PTPRD: variants seen among roughly 807,000 people sequenced by gnomAD.
PTPRD encodes the protein protein tyrosine phosphatase receptor type D.
PTPRD carries 34 observed loss-of-function variants against 214.5 expected under a neutral mutation model. The observed-to-expected ratio is 0.16, with a 90% CI of 0.12 to 0.21. PTPRD has a LOEUF of 0.21. PTPRD is among the 10% of genes least tolerant of loss of function. The pLI is 1.00. For missense variants in PTPRD, 2,545 were observed against 2,398.7 expected (o/e 1.06, Z -1.27); for synonymous variants, 1,128 against 845.7 (o/e 1.33, Z -5.79).
intron 8 of PTPRD, among the ~76,000 whole-genome samples, chr9:9,447,429 C>A (rs75458422): frequency 4.2e-5 from 5 of 118,078 alleles, no homozygotes. Context: ...AACTAAATAC[C>A]GTATGTTCTC....
intron 11 of PTPRD, among the ~76,000 whole-genome samples, chr9:8,877,427 G>A (rs2098403749): frequency 6.6e-6 from 1 of 152,052 alleles, no homozygotes; most frequent in Admixed American, 6.6e-5. Context: ...CCAATATCTA[G>A]GGGACTTTTA....
chr9:8,946,353 A>G (rs140306057), intron 11 of PTPRD, among the ~76,000 whole-genome samples: 129 of 152,242 alleles, frequency 8.5e-4, no homozygotes, highest in African/African-American at 2.8e-3. Context: ...AGGCAGCAGT[A>G]TATAGGTTTC....
intron 5 of PTPRD, among the ~76,000 whole-genome samples, chr9:9,830,266 T>C (rs995283161): frequency 2.0e-5 from 3 of 151,814 alleles, no homozygotes; most frequent in Non-Finnish European, 4.4e-5. Flanking sequence ...TTGAAATATA[T>C]TTTTCACTTA....
intron 9 of PTPRD, among the ~76,000 whole-genome samples, chr9:9,322,183 A>G (rs1429824251): frequency 6.6e-6 from 1 of 152,186 alleles, no homozygotes; most frequent in Non-Finnish European, 1.5e-5. Context: ...TGTAGCTTAA[A>G]GATGTTTTTA....
At chr9:10,134,437 G>A (rs2098927128) in intron 3 of PTPRD, among the ~76,000 whole-genome samples, 1 of 152,156 alleles carries the variant, frequency 6.6e-6, no homozygotes, top group African/African-American at 2.4e-5. Context: ...CTGCAAATGT[G>A]TTAAAATACA....
intron 11 of PTPRD, among the ~76,000 whole-genome samples, chr9:8,755,893 T>C (rs2093954636): frequency 6.6e-6 from 1 of 152,214 alleles, no homozygotes; most frequent in Non-Finnish European, 1.5e-5. Flanking sequence ...AACTAGCCTC[T>C]AATAAATTTG....
chr9:10,417,233 A>G (rs2098500232), intron 2 of PTPRD, among the ~76,000 whole-genome samples: 1 of 151,982 alleles, frequency 6.6e-6, no homozygotes, highest in Admixed American at 6.6e-5. Context: ...TATTAAGACA[A>G]GTATTCAAAA....
chr9:10,215,294 G>A (rs2099536205), intron 3 of PTPRD, among the ~76,000 whole-genome samples: 1 of 151,570 alleles, frequency 6.6e-6, no homozygotes, highest in Non-Finnish European at 1.5e-5. Flanking sequence ...AAAAAGCAAA[G>A]CTCTTCTAGG....
At position 9,404,864 on chromosome 9, in the gene PTPRD, G is replaced by A. The variant is rs560042218; in HGVS notation, c.-236-7382C>T. 4.6e-5 allele frequency among the ~76,000 whole-genome samples: 7 copies of A among 152,094 alleles called. No individual in the cohort carries two copies. The East Asian group carries it at 1.2e-3, about 25-fold the overall frequency. On this transcript the variant is annotated intron_variant, in intron 8 of 45. Transcript: ENST00000381196. ...AGACATGTTGCAACAAAATTATGTG[G>A]CCCTGTGCTAGATGGGATGGTTTAA...
At chr9:9,988,247 T>C (rs1192037555) in intron 4 of PTPRD, among the ~76,000 whole-genome samples, 3 of 152,188 alleles carry the variant, frequency 2.0e-5, no homozygotes, top group African/African-American at 7.2e-5. Context: ...TTTGCACATA[T>C]TGATCAGTTT....
At chr9:8,820,259 T>C (rs940080029) in intron 11 of PTPRD, among the ~76,000 whole-genome samples, 3 of 152,080 alleles carry the variant, frequency 2.0e-5, no homozygotes, top group African/African-American at 7.2e-5. Flanking sequence ...CACACATAGA[T>C]TAAGTAATTT....
At chr9:10,310,026 G>A (rs186661964) in intron 3 of PTPRD, among the ~76,000 whole-genome samples, 8 of 152,046 alleles carry the variant, frequency 5.3e-5, no homozygotes, top group Admixed American at 3.3e-4. Flanking sequence ...ATCCCCTGAG[G>A]TATCATACAA....
At chr9:9,308,748 TG>T (rs910071073) in intron 9 of PTPRD, among the ~76,000 whole-genome samples, 4 of 152,194 alleles carry the variant, frequency 2.6e-5, no homozygotes, top group African/African-American at 9.6e-5. Context: ...ATGGATATTT[TG>T]ATACAATTTA....
At chr9:10,441,948 A>G (rs1409893616) in intron 2 of PTPRD, among the ~76,000 whole-genome samples, 1 of 151,728 alleles carries the variant, frequency 6.6e-6, no homozygotes, top group African/African-American at 2.4e-5. Flanking sequence ...CACAAGACAC[A>G]TCATGTCTGA....
At chr9:10,047,324 G>GTT (rs1192310798) in intron 3 of PTPRD, among the ~76,000 whole-genome samples, 1 of 149,988 alleles carries the variant, frequency 6.7e-6, no homozygotes, top group Non-Finnish European at 1.5e-5. Flanking sequence ...GTGTGTGTGT[G>GTT]TGTGTGTGTG....
chr9:9,651,031 C>G (rs945590620), intron 7 of PTPRD, among the ~76,000 whole-genome samples: 1 of 151,698 alleles, frequency 6.6e-6, no homozygotes, highest in Non-Finnish European at 1.5e-5. Context: ...TTAGGATTAC[C>G]CTTATTGTAT....
At chr9:8,684,611 C>G (rs981215744) in intron 12 of PTPRD, among the ~76,000 whole-genome samples, 1 of 152,102 alleles carries the variant, frequency 6.6e-6, no homozygotes, top group Non-Finnish European at 1.5e-5. Context: ...CTATCATTTA[C>G]AGACTAATAC....
chr9:9,340,027 G>T (rs1399946493), intron 9 of PTPRD, among the ~76,000 whole-genome samples: 1 of 152,130 alleles, frequency 6.6e-6, no homozygotes, highest in Non-Finnish European at 1.5e-5. Context: ...GAGTGACTGT[G>T]AGAAGACATT....
In PTPRD at chr9:9,760,299, T is replaced by C. The variant is rs143344769; in HGVS notation, c.-326+6511A>G. 1.3e-3 allele frequency among the ~76,000 whole-genome samples: 199 copies of C among 152,202 alleles called. 1 individual carries two copies. Among genetic ancestry groups the C allele is most frequent in the Middle Eastern group, 6.8e-3 (2 of 294 alleles). On this transcript the variant is annotated intron_variant, in intron 6 of 45. Coordinates refer to ENST00000381196, the MANE Select transcript of PTPRD (RefSeq NM_002839.4). ...TGCTGGTAGTATTTAAGGTGTATGA[T>C]AAGTGAGAAAACCTTAGTGTTTTAT... is the stretch of plus-strand genomic sequence containing the variant.
Sources: gnomAD v4.1 joint callset for allele counts (sites outside exome capture counted in the v4.1 genomes callset) on GRCh38, gnomAD v4.1.1 for gene constraint, MANE v1.5 for transcripts, NCBI Gene and HGNC (gene_info 2026-07-23, HGNC 2026-07-21) for gene names.